Variants in TMTC1 observed in about 807,000 individuals in gnomAD.
TMTC1 encodes transmembrane O-mannosyltransferase targeting cadherins 1.
TMTC1 carries 73 observed loss-of-function variants against 104.8 expected under a neutral mutation model. That is an observed-to-expected ratio of 0.70 (90% CI 0.58 to 0.85). The LOEUF (loss-of-function observed/expected upper bound fraction) is 0.85, where lower values mean the gene tolerates loss of function less well. Ranked by LOEUF, TMTC1 falls within the 40% of genes least tolerant of loss-of-function variation. The probability of loss-of-function intolerance (pLI) is 0.00; values close to 1 mark genes in which losing one functional copy is unlikely to be tolerated. For synonymous variants in TMTC1, 434 were observed against 428.7 expected, an observed-to-expected ratio of 1.01 and a Z score of -0.15; for missense variants, 1,035 against 1,096.1, an observed-to-expected ratio of 0.94 and a Z score of 0.79.
intron 5 of TMTC1, among the ~76,000 whole-genome samples, chr12:29,699,265 C>G (rs1279865254): frequency 6.6e-6 from 1 of 152,164 alleles, no homozygotes; most frequent in Non-Finnish European, 1.5e-5. Context: ...TGCTCATGCA[C>G]AATTCTTTTT....
intron 10 of TMTC1, among the ~76,000 whole-genome samples, chr12:29,555,667 T>C (rs1945223755): frequency 6.6e-6 from 1 of 152,194 alleles, no homozygotes; most frequent in Admixed American, 6.5e-5. Flanking sequence ...TCCTTTTTTA[T>C]GGCTGCATAG....
chr12:29,617,319 C>T (rs1487939775), intron 6 of TMTC1, among the ~76,000 whole-genome samples: 1 of 151,992 alleles, frequency 6.6e-6, no homozygotes, highest in African/African-American at 2.4e-5. Flanking sequence ...AATTTCCCAT[C>T]CTCATCAATG....
intron 5 of TMTC1, among the ~76,000 whole-genome samples, chr12:29,643,273 T>G (rs188314898): frequency 1.0e-3 from 152 of 151,614 alleles, no homozygotes; most frequent in African/African-American, 3.4e-3. Flanking sequence ...TACCATTTGA[T>G]GCAGCAATCC....
intron 10 of TMTC1, among the ~76,000 whole-genome samples, chr12:29,547,750 G>A (rs1944978945): frequency 6.6e-6 from 1 of 152,198 alleles, no homozygotes; most frequent in Admixed American, 6.5e-5. Context: ...GGAAAGCCCT[G>A]AATGCTAAGA....
chr12:29,643,692 T>A (rs892245889), intron 5 of TMTC1, among the ~76,000 whole-genome samples: 64 of 154 alleles, frequency 0.42, 8 homozygotes, highest in Admixed American at 0.5. Context: ...TTATATATAT[T>A]ATATATATTA....
chr12:29,578,412 T>C (rs867118987), intron 8 of TMTC1, among the ~76,000 whole-genome samples: 1 of 152,314 alleles, frequency 6.6e-6, no homozygotes, highest in African/African-American at 2.4e-5. Context: ...CCTCCAGGAA[T>C]AGTCTCCCTG....
At chr12:29,746,090 G>T (rs1213888510) in intron 5 of TMTC1, among the ~76,000 whole-genome samples, 1 of 152,122 alleles carries the variant, frequency 6.6e-6, no homozygotes, top group Non-Finnish European at 1.5e-5. Flanking sequence ...GAGGTGGTTT[G>T]TGTTTCTAAC....
chr12:29,599,958 G>A (rs1046867523), intron 7 of TMTC1, among the ~76,000 whole-genome samples: 1 of 134,124 alleles, frequency 7.5e-6, no homozygotes, highest in East Asian at 2.1e-4. Flanking sequence ...ATATATATGT[G>A]TATATATATA....
In TMTC1 at chr12:29,524,274, A is replaced by G. The variant is rs1389108256; in HGVS notation, c.1786-3554T>C. 3.9e-5 allele frequency among the ~76,000 whole-genome samples: 6 copies of G among 152,342 alleles called. No individual in the cohort carries two copies. The East Asian group carries it at 7.7e-4, about 20-fold the overall frequency. ...AGCATCTCCATGAACCAAACCAACT[A>G]AAATGAAATAGATCAAAGAATGAGC... On this transcript the variant is annotated intron_variant, in intron 11 of 17. Coordinates refer to ENST00000539277, the MANE Select transcript of TMTC1 (RefSeq NM_001193451.2).
chr12:29,522,890 T>G (rs1944219986), intron 11 of TMTC1, among the ~76,000 whole-genome samples: 2 of 152,166 alleles, frequency 1.3e-5, no homozygotes, highest in African/African-American at 4.8e-5. Flanking sequence ...TATTAAAACA[T>G]TTGAAACACT....
intron 5 of TMTC1, among the ~76,000 whole-genome samples, chr12:29,680,395 C>T (rs557714886): frequency 3.3e-5 from 5 of 151,980 alleles, no homozygotes; most frequent in South Asian, 2.1e-4. Flanking sequence ...GTTTCCAGGT[C>T]GGAGGTAGAA....
At chr12:29,566,929 A>G (rs528766465) in intron 9 of TMTC1, among the ~76,000 whole-genome samples, 105 of 152,334 alleles carry the variant, frequency 6.9e-4, no homozygotes, top group African/African-American at 1.7e-3. Context: ...CCCGGCTGCT[A>G]GGAGTGTTGG....
chr12:29,771,601 G>A (rs948092537), intron 1 of TMTC1, among the ~76,000 whole-genome samples: 15 of 152,160 alleles, frequency 9.9e-5, no homozygotes, highest in African/African-American at 1.7e-4. Flanking sequence ...ATTAAACAGC[G>A]AATTAAATGT....
chr12:29,736,320 T>C (rs1296861442), intron 5 of TMTC1, among the ~76,000 whole-genome samples: 1 of 151,400 alleles, frequency 6.6e-6, no homozygotes, highest in African/African-American at 2.4e-5. Flanking sequence ...TATGGATGTT[T>C]ATCACATTAT....
intron 6 of TMTC1, among the ~76,000 whole-genome samples, chr12:29,626,532 G>A (rs571953959): frequency 6.6e-6 from 1 of 152,264 alleles, no homozygotes; most frequent in South Asian, 2.1e-4. Context: ...AAAATAAGGT[G>A]TTTAGGGAGA....
chr12:29,715,603 G>T (rs1023590830), intron 5 of TMTC1, among the ~76,000 whole-genome samples: 1 of 152,052 alleles, frequency 6.6e-6, no homozygotes, highest in East Asian at 1.9e-4. Flanking sequence ...TTTAGACCTC[G>T]TAACATTTAT....
intron 8 of TMTC1, among the ~76,000 whole-genome samples, chr12:29,573,161 T>G (rs1469130928): frequency 6.6e-6 from 1 of 151,970 alleles, no homozygotes; most frequent in Non-Finnish European, 1.5e-5. Context: ...GATCTAGGAG[T>G]ATACATGGGG....
At position 29,580,925 on chromosome 12, in the gene TMTC1, C is replaced by T. The variant is rs921586360; in HGVS notation, c.1418+2482G>A. Among the ~76,000 whole-genome samples the T allele has an allele frequency of 2.0e-5, 3 of 152,224 alleles. 1 individual carries two copies. The South Asian group carries it at 6.2e-4, about 31-fold the overall frequency. On this transcript the variant is annotated intron_variant, in intron 8 of 17. Transcript: ENST00000539277. ...TCTCTCTCTCTCATCCTAGAACACACTGCACAGTAATAGTCTGAAAACCTT... is the reference window on the plus strand; with the variant it reads ...TCTCTCTCTCTCATCCTAGAACACATTGCACAGTAATAGTCTGAAAACCTT...
chr12:29,716,221 T>C lies in TMTC1; in HGVS notation c.938+35445A>G, dbSNP rs185674394. Among the ~76,000 whole-genome samples, 511 of 152,086 alleles carry C rather than the reference T, an allele frequency of 3.4e-3. 3 individuals carry two copies. The highest frequency in any genetic ancestry group is 0.012 in the African/African-American group (489 of 41,494). On this transcript the variant is annotated intron_variant, in intron 5 of 17. Coordinates refer to ENST00000539277, the MANE Select transcript of TMTC1 (RefSeq NM_001193451.2). Reference sequence around the variant, plus strand: ...TTGTTTTGTTGAGATAGAATATTGCTATGTTTCCCAGGCTGGTCTTGAACT... The same window carrying C: ...TTGTTTTGTTGAGATAGAATATTGCCATGTTTCCCAGGCTGGTCTTGAACT...
Sources: gnomAD v4.1 joint callset for allele counts (sites outside exome capture counted in the v4.1 genomes callset) on GRCh38, gnomAD v4.1.1 for gene constraint, MANE v1.5 for transcripts, NCBI Gene and HGNC (gene_info 2026-07-23, HGNC 2026-07-21) for gene names.